CSTPP1: variants seen among roughly 807,000 people sequenced by gnomAD.
CSTPP1 encodes centriolar satellite-associated tubulin polyglutamylase complex regulator 1.
chr11:47,075,882 C>T, the CSTPP1 span, among the ~76,000 whole-genome samples: 1 of 136,270 alleles, frequency 7.3e-6, no homozygotes, highest in Non-Finnish European at 1.5e-5. Flanking sequence ...GCTGATATTG[C>T]GCCACTGTAC....
chr11:47,163,005 C>T, the CSTPP1 span, among the ~76,000 whole-genome samples: 1 of 151,970 alleles, frequency 6.6e-6, no homozygotes, highest in South Asian at 2.1e-4. Context: ...CATAGTAGGA[C>T]CCTATCTCTA....
chr11:46,952,679 A>G, the CSTPP1 span, among the ~76,000 whole-genome samples: 1 of 152,010 alleles, frequency 6.6e-6, no homozygotes, highest in African/African-American at 2.4e-5. Flanking sequence ...CCTTTTTACA[A>G]TGGTTATTAT....
chr11:47,163,792 C>A, the CSTPP1 span, among the ~76,000 whole-genome samples: 6 of 151,886 alleles, frequency 4.0e-5, no homozygotes, highest in Admixed American at 3.9e-4. Context: ...AGGCATGCAC[C>A]ACACCGCCCC....
chr11:46,937,122 C>T, the CSTPP1 span, among the ~76,000 whole-genome samples: 1 of 152,110 alleles, frequency 6.6e-6, no homozygotes, highest in Non-Finnish European at 1.5e-5. Context: ...GGATTTGGGG[C>T]CCTGTTGGGG....
the CSTPP1 span, among the ~76,000 whole-genome samples, chr11:46,970,281 T>C: frequency 6.6e-6 from 1 of 151,844 alleles, no homozygotes. Flanking sequence ...CGGAAATAGA[T>C]GCCAAAGAAC....
chr11:47,075,917 A>C, the CSTPP1 span, among the ~76,000 whole-genome samples: 1 of 110,686 alleles, frequency 9.0e-6, no homozygotes, highest in African/African-American at 3.8e-5. Flanking sequence ...ACAGAGCGAG[A>C]TTCATTCTCA....
the CSTPP1 span, among the ~76,000 whole-genome samples, chr11:47,021,129 A>ACC: frequency 6.6e-6 from 1 of 152,294 alleles, no homozygotes; most frequent in African/African-American, 2.4e-5. Flanking sequence ...GTTGTTGTTA[A>ACC]CCCATCAGAG....
chr11:47,076,322 C>A, the CSTPP1 span, among the ~76,000 whole-genome samples: 1 of 152,152 alleles, frequency 6.6e-6, no homozygotes, highest in African/African-American at 2.4e-5. Flanking sequence ...CTGAAATAGC[C>A]TCAGAGGAAG....
the CSTPP1 span, among the ~76,000 whole-genome samples, chr11:46,967,243 T>C: frequency 2.0e-5 from 3 of 152,166 alleles, no homozygotes; most frequent in Non-Finnish European, 4.4e-5. Context: ...TTTCTAATGG[T>C]GTGAGGAAAG....
the CSTPP1 span, among the ~76,000 whole-genome samples, chr11:47,105,689 T>A: frequency 1.3e-5 from 2 of 152,168 alleles, no homozygotes; most frequent in South Asian, 4.1e-4. Flanking sequence ...GGGTCTAAGA[T>A]CACACATCAG....
the CSTPP1 span, among the ~76,000 whole-genome samples, chr11:47,118,743 T>C: frequency 6.6e-6 from 1 of 152,018 alleles, no homozygotes; most frequent in Admixed American, 6.5e-5. Flanking sequence ...TTTGCTGGAG[T>C]TCCACTACAG....
At chr11:47,135,893 A>G in the CSTPP1 span, among the ~76,000 whole-genome samples, 4 of 152,234 alleles carry the variant, frequency 2.6e-5, no homozygotes. Flanking sequence ...AGTTAGAATA[A>G]TATCAAAAAC....
chr11:47,162,010 G>C, the CSTPP1 span: 60 of 1,015,680 alleles, frequency 5.9e-5, no homozygotes, highest in South Asian at 4.2e-5. Context: ...ACTCCATTAA[G>C]GGGGAGAACC....
At chr11:47,132,856 A>G in the CSTPP1 span, among the ~76,000 whole-genome samples, 5 of 152,210 alleles carry the variant, frequency 3.3e-5, no homozygotes, top group African/African-American at 1.2e-4. Flanking sequence ...TGCTAGGCCT[A>G]GGTCTGAATC....
chr11:47,116,260 C>T, the CSTPP1 span, among the ~76,000 whole-genome samples: 112 of 151,958 alleles, frequency 7.4e-4, no homozygotes, highest in Non-Finnish European at 1.4e-3. Flanking sequence ...TTAGAATAAG[C>T]GTGATGTGAT....
chr11:47,106,862 C>T, the CSTPP1 span, among the ~76,000 whole-genome samples: 1 of 152,124 alleles, frequency 6.6e-6, no homozygotes, highest in Non-Finnish European at 1.5e-5. Context: ...CAACTTGGCT[C>T]AGAAAGAGGC....
At chr11:46,970,222 T>C in the CSTPP1 span, among the ~76,000 whole-genome samples, 1 of 151,880 alleles carries the variant, frequency 6.6e-6, no homozygotes, top group Non-Finnish European at 1.5e-5. Context: ...AAATGTTTGG[T>C]AGTAAATTTC....
At chr11:47,004,156 GTTTGTT>G in the CSTPP1 span, among the ~76,000 whole-genome samples, 20 of 148,284 alleles carry the variant, frequency 1.3e-4, no homozygotes, top group East Asian at 7.9e-4. Context: ...GTTGTTACTG[GTTTGTT>G]TTTGTTTTTG....
chr11:47,092,681 A>G, the CSTPP1 span, among the ~76,000 whole-genome samples: 3 of 152,308 alleles, frequency 2.0e-5, no homozygotes, highest in Middle Eastern at 3.4e-3. Flanking sequence ...TTATAACATC[A>G]CCTAACATCC....
Sources: gnomAD v4.1 joint callset for allele counts (sites outside exome capture counted in the v4.1 genomes callset) on GRCh38, gnomAD v4.1.1 for gene constraint, MANE v1.5 for transcripts, NCBI Gene and HGNC (gene_info 2026-07-23, HGNC 2026-07-21) for gene names.